Variants in ADAMTSL1 observed in about 807,000 individuals in gnomAD.
ADAMTSL1 encodes the protein ADAMTS-like protein 1.
In ADAMTSL1, 126 loss-of-function variants were observed where a neutral mutation model predicts 201.8. The observed-to-expected ratio is 0.62, with a 90% CI of 0.54 to 0.72. ADAMTSL1 has a LOEUF of 0.72. ADAMTSL1 is among the 30% of genes least tolerant of loss of function. The pLI is 0.00. For missense variants in ADAMTSL1, 2,679 were observed against 2,277.8 expected, an observed-to-expected ratio of 1.18 and a Z score of -3.59; for synonymous variants, 1,121 against 903.4, an observed-to-expected ratio of 1.24 and a Z score of -4.32.
chr9:17,960,616 G>A (rs1817707574), intron 1 of ADAMTSL1, among the ~76,000 whole-genome samples: 1 of 152,106 alleles, frequency 6.6e-6, no homozygotes, highest in Non-Finnish European at 1.5e-5. Flanking sequence ...ACCCGGTATG[G>A]GTGGATAAGA....
At chr9:18,347,435 G>T (rs1017790790) in intron 2 of ADAMTSL1, among the ~76,000 whole-genome samples, 2 of 151,904 alleles carry the variant, frequency 1.3e-5, no homozygotes, top group Non-Finnish European at 2.9e-5. Flanking sequence ...GAAGAATTCT[G>T]CATTTTTAAA....
At chr9:18,096,534 T>C (rs538091433) in intron 1 of ADAMTSL1, among the ~76,000 whole-genome samples, 1 of 152,234 alleles carries the variant, frequency 6.6e-6, no homozygotes, top group Admixed American at 6.5e-5. Flanking sequence ...CCATATTGGA[T>C]AGTGCACTTC....
intron 2 of ADAMTSL1, among the ~76,000 whole-genome samples, chr9:18,245,701 CTT>C (rs562482883): frequency 1.4e-5 from 2 of 143,452 alleles, no homozygotes. Context: ...ACAGTCCCTC[CTT>C]TTTTTTTTTT....
intron 1 of ADAMTSL1, among the ~76,000 whole-genome samples, chr9:18,101,006 G>A (rs1824490305): frequency 6.6e-6 from 1 of 152,156 alleles, no homozygotes; most frequent in South Asian, 2.1e-4. Flanking sequence ...AGTTGGGGAT[G>A]CATGGGGATA....
At chr9:18,367,660 C>T (rs1836831684) in intron 2 of ADAMTSL1, among the ~76,000 whole-genome samples, 1 of 152,014 alleles carries the variant, frequency 6.6e-6, no homozygotes, top group Admixed American at 6.5e-5. Context: ...CTCAAAATAA[C>T]TTTATGAGCT....
chr9:18,393,125 G>A (rs1838120654), intron 2 of ADAMTSL1, among the ~76,000 whole-genome samples: 1 of 152,094 alleles, frequency 6.6e-6, no homozygotes, highest in East Asian at 1.9e-4. Flanking sequence ...GCATGAATGT[G>A]GGAAGTGGGA....
intron 2 of ADAMTSL1, among the ~76,000 whole-genome samples, chr9:18,172,223 C>G (rs1267457093): frequency 2.0e-5 from 3 of 151,550 alleles, no homozygotes; most frequent in Non-Finnish European, 4.4e-5. Flanking sequence ...ACGTGTATAC[C>G]TAGGTAACAA....
chr9:18,874,243 AAC>A (rs1828013325), intron 23 of ADAMTSL1, among the ~76,000 whole-genome samples: 1 of 152,102 alleles, frequency 6.6e-6, no homozygotes, highest in South Asian at 2.1e-4. Flanking sequence ...GGTGAACAGC[AAC>A]AGTTTTACTT....
intron 1 of ADAMTSL1, among the ~76,000 whole-genome samples, chr9:18,113,782 A>G (rs1454492097): frequency 6.6e-6 from 1 of 152,144 alleles, no homozygotes; most frequent in Non-Finnish European, 1.5e-5. Flanking sequence ...AATTAAGTAT[A>G]TTGATATTAA....
intron 4 of ADAMTSL1, among the ~76,000 whole-genome samples, chr9:18,579,093 C>T (rs1450235992): frequency 6.6e-6 from 1 of 151,626 alleles, no homozygotes; most frequent in Non-Finnish European, 1.5e-5. Flanking sequence ...TTGGAACCAA[C>T]CCAAATGTCC....
At chr9:18,115,506 A>T (rs1436238411) in intron 1 of ADAMTSL1, among the ~76,000 whole-genome samples, 1 of 152,202 alleles carries the variant, frequency 6.6e-6, no homozygotes, top group African/African-American at 2.4e-5. Flanking sequence ...ACACACACCA[A>T]TGATAGTGGT....
At chr9:18,420,355 C>T (rs951810265) in intron 2 of ADAMTSL1, among the ~76,000 whole-genome samples, 2 of 152,122 alleles carry the variant, frequency 1.3e-5, no homozygotes, top group African/African-American at 4.8e-5. Flanking sequence ...AGACCCAGGA[C>T]CAGCATTAGG....
rs553299399 is a variant in ADAMTSL1, at chr9:18,882,009, G to A, written c.4250-5822G>A. Among the ~76,000 whole-genome samples the A allele has an allele frequency of 7.6e-4, 116 of 152,298 alleles. 1 individual carries two copies. Among genetic ancestry groups the A allele is most frequent in the African/African-American group, 2.2e-3 (93 of 41,562 alleles). ...ATGGCCTCTGATTCCAAGGAGGAGG[G>A]AGGAATTTGGATGTGATTTTTGTGC... On this transcript the variant is annotated intron_variant, in intron 23 of 28. Transcript: ENST00000380548.
intron 2 of ADAMTSL1, among the ~76,000 whole-genome samples, chr9:18,350,773 CA>C (rs981813092): frequency 2.4e-4 from 36 of 152,056 alleles, no homozygotes; most frequent in African/African-American, 8.5e-4. Context: ...TTATTAGAGA[CA>C]GGGGTGAATT....
chr9:18,635,330 C>T (rs1827045272), intron 5 of ADAMTSL1, among the ~76,000 whole-genome samples: 1 of 151,950 alleles, frequency 6.6e-6, no homozygotes, highest in Non-Finnish European at 1.5e-5. Context: ...ATAAAGTGAT[C>T]TGTGGTTCAG....
chr9:17,919,340 G>A (rs1826219391), intron 1 of ADAMTSL1, among the ~76,000 whole-genome samples: 2 of 151,638 alleles, frequency 1.3e-5, no homozygotes, highest in South Asian at 2.1e-4. Context: ...TGCTATTGAG[G>A]AATCCAGACT....
chr9:18,732,630 C>T (rs905266670), intron 15 of ADAMTSL1, among the ~76,000 whole-genome samples: 5 of 151,786 alleles, frequency 3.3e-5, no homozygotes, highest in Non-Finnish European at 7.4e-5. Context: ...CAGGAAGCGT[C>T]GATGAATTGT....
intron 2 of ADAMTSL1, among the ~76,000 whole-genome samples, chr9:18,402,201 A>T (rs1818012573): frequency 6.6e-6 from 1 of 152,198 alleles, no homozygotes; most frequent in Non-Finnish European, 1.5e-5. Flanking sequence ...TTATTTCCTC[A>T]GTGAATATAA....
At position 18,294,556 on chromosome 9, in the gene ADAMTSL1, G is replaced by A. The variant is rs1389502215; in HGVS notation, c.207+130575G>A. 2.0e-5 allele frequency among the ~76,000 whole-genome samples: 3 copies of A among 152,162 alleles called. No individual in the cohort carries two copies. The East Asian group carries it at 5.8e-4, about 29-fold the overall frequency. On this transcript the variant is annotated intron_variant, in intron 2 of 29. Coordinates refer to the ADAMTSL1 transcript ENST00000680146. ...CAGGTTTGCACAGAGGAGCCACATA[G>A]TCTAAGCTGGCACTGCCTGGTGGTG...
Sources: gnomAD v4.1 joint callset for allele counts (sites outside exome capture counted in the v4.1 genomes callset) on GRCh38, gnomAD v4.1.1 for gene constraint, MANE v1.5 for transcripts, NCBI Gene and HGNC (gene_info 2026-07-23, HGNC 2026-07-21) for gene names.